The following PLEKHH2 variants were observed in gnomAD, a reference collection of about 807,000 sequenced individuals.
The protein encoded by PLEKHH2 is pleckstrin homology, MyTH4 and FERM domain containing H2.
In PLEKHH2, 129 loss-of-function variants were observed where a neutral mutation model predicts 187.9. The ratio of observed to expected loss-of-function variants is 0.69; its 90% CI spans 0.59 to 0.79. The LOEUF is 0.79. Among genes scored for constraint, PLEKHH2 ranks in the 30% least tolerant of loss-of-function variants. The pLI is 0.00. For missense variants in PLEKHH2, 2,076 were observed against 1,751.2 expected (o/e 1.19, Z -3.31); for synonymous variants, 686 against 605.6 (o/e 1.13, Z -1.95).
chr2:43,678,524 A>C (rs550476052), intron 2 of PLEKHH2, among the ~76,000 whole-genome samples: 1 of 152,212 alleles, frequency 6.6e-6, no homozygotes, highest in East Asian at 1.9e-4. Context: ...CCCGGCCAAC[A>C]CAGCGAAACC....
At chr2:43,641,390 C>T (rs915742720) in intron 1 of PLEKHH2, among the ~76,000 whole-genome samples, 4 of 152,126 alleles carry the variant, frequency 2.6e-5, no homozygotes, top group Admixed American at 6.5e-5. Flanking sequence ...GAGTTTAGAG[C>T]AAGCGTGTCC....
chr2:43,713,341 A>G (rs1670059291), intron 15 of PLEKHH2, among the ~76,000 whole-genome samples: 1 of 152,204 alleles, frequency 6.6e-6, no homozygotes, highest in African/African-American at 2.4e-5. Flanking sequence ...CAAGATGCAG[A>G]ACATTTCCAT....
rs1226573116 is a variant in PLEKHH2, at chr2:43,743,972, C to G, written c.3538C>G (p.Leu1180Val). The G allele has an allele frequency of 6.2e-7, 1 of 1,613,822 alleles. No homozygotes were observed. ...TTCTGGCAGAGATTTAGAGCATTGT[C>G]TTCAAGGAAACATCAAGGTGAAACC... Reference protein sequence around the residue: ...DPSGRDLEHCLQGNIKICDII... With the variant: ...DPSGRDLEHCVQGNIKICDII... The change falls in exon 23 of 30, where the codon CTT (leucine) becomes GTT (valine). Residue 1180 changes from leucine to valine, a missense_variant. Coordinates refer to ENST00000282406, the MANE Select transcript of PLEKHH2 (RefSeq NM_172069.4).
At chr2:43,671,729 C>G (rs1260749029) in intron 2 of PLEKHH2, among the ~76,000 whole-genome samples, 2 of 152,124 alleles carry the variant, frequency 1.3e-5, no homozygotes, top group Non-Finnish European at 2.9e-5. Flanking sequence ...TCTTTTCTAG[C>G]CACTTGACAT....
chr2:43,673,474 T>C (rs1177168366), intron 2 of PLEKHH2, among the ~76,000 whole-genome samples: 1 of 152,208 alleles, frequency 6.6e-6, no homozygotes, highest in South Asian at 2.1e-4. Flanking sequence ...TACAACATCC[T>C]GTAAAGTAGT....
At chr2:43,763,586 AT>A (rs541418802) in intron 28 of PLEKHH2, among the ~76,000 whole-genome samples, 11,888 of 130,318 alleles carry the variant, frequency 0.091, 569 homozygotes, top group South Asian at 0.18. Context: ...TGCCCGGCTA[AT>A]TTTTTTTTTT....
At position 43,729,639 on chromosome 2, in the gene PLEKHH2, C is replaced by T. The variant is rs764143989; in HGVS notation, c.2724C>T (p.Asp908=). 4 of 1,587,160 alleles carry T rather than the reference C, an allele frequency of 2.5e-6. No homozygotes were observed. The highest frequency in any genetic ancestry group is 3.7e-5 in the Admixed American group (2 of 54,332). Residue 908 remains aspartate, a splice_region_variant and synonymous_variant, in exon 18 of 30, where the codon GAC becomes GAT. Transcript: ENST00000282406. ...AATTAATATGTTCTGGTTTTAAGGA[C>T]ACTTGGCTTTATCATCTGACTGTTG... ...YLLIGSKHEK[D]TWLYHLTVAA... is the part of the protein sequence containing the mutation.
rs146575386 is a variant in PLEKHH2, at chr2:43,747,082, C to G, written c.3653+1119C>G. On this transcript the variant is annotated intron_variant, in intron 24 of 29. Transcript: ENST00000282406. ...CTCAGTCTTTCATTCTCATTTTTCTCTTTCTTTCTGTCTCTCTCTCTCTCT... is the reference window on the plus strand; with the variant it reads ...CTCAGTCTTTCATTCTCATTTTTCTGTTTCTTTCTGTCTCTCTCTCTCTCT... Among the ~76,000 whole-genome samples, 1,234 of 149,866 alleles carry G rather than the reference C, an allele frequency of 8.2e-3. 20 individuals carry two copies. Among genetic ancestry groups the G allele is most frequent in the African/African-American group, 0.025 (1,015 of 40,284 alleles).
intron 11 of PLEKHH2, among the ~76,000 whole-genome samples, chr2:43,709,629 A>G (rs1669843970): frequency 6.6e-6 from 1 of 152,174 alleles, no homozygotes; most frequent in African/African-American, 2.4e-5. Context: ...CGAGGTCAAG[A>G]GATCGAGACC....
intron 2 of PLEKHH2, among the ~76,000 whole-genome samples, chr2:43,654,570 T>C (rs991550216): frequency 6.6e-6 from 1 of 150,482 alleles, no homozygotes; most frequent in Non-Finnish European, 1.5e-5. Flanking sequence ...TTAACTTTTT[T>C]TTTTTTTTTT....
At position 43,745,977 on chromosome 2, in the gene PLEKHH2, C is replaced by CA. The variant is rs1200263687; in HGVS notation, c.3653+15dup. The CA allele has an allele frequency of 2.0e-6, 3 of 1,528,058 alleles. No homozygotes were observed. The highest frequency in any genetic ancestry group is 1.8e-6 in the Non-Finnish European group (2 of 1,111,574). The allele number at this position is 1,528,058 out of a possible 1,614,324, so 94.7% of individuals were successfully genotyped here. The stretch of plus-strand genomic sequence containing the variant: ...ATACAAAAACAGGTGTGTAATACTG[C>CA]ATCCAGATGCCAAAGTATGAGTATA... On this transcript the variant is annotated intron_variant, in intron 24 of 29. Coordinates refer to ENST00000282406, the MANE Select transcript of PLEKHH2 (RefSeq NM_172069.4).
chr2:43,766,246 G>T lies in PLEKHH2; in HGVS notation c.*648G>T, dbSNP rs1433726567. On this transcript the variant is annotated 3_prime_UTR_variant, in exon 30 of 30. Transcript: ENST00000282406. ...CGTCACCTTTTCACATCACTGGAGT[G>T]TAAAATTTAAAACAAGATGGTGATT... The T allele has an allele frequency of 5.9e-5, 9 of 152,730 alleles. No individual in the cohort carries two copies. The highest frequency in any genetic ancestry group is 5.9e-4 in the Admixed American group (9 of 15,278). The allele number at this position is 152,730 out of a possible 1,614,324, so 9.5% of individuals were successfully genotyped here. A position where few individuals can be genotyped will look rare whatever the true frequency, so the allele number is the denominator to read the frequency against.
chr2:43,644,908 T>G (rs1489698334), intron 2 of PLEKHH2, 112 bp downstream of exon 2: 2 of 1,199,106 alleles, frequency 1.7e-6, no homozygotes, highest in African/African-American at 3.1e-5. Context: ...TGTCAAGTAT[T>G]TGAAGCTATA....
At chr2:43,752,765 C>G (rs1672057969) in intron 24 of PLEKHH2, among the ~76,000 whole-genome samples, 1 of 152,152 alleles carries the variant, frequency 6.6e-6, no homozygotes, top group Non-Finnish European at 1.5e-5. Context: ...CCCCACAAAT[C>G]TCACATATGA....
chr2:43,751,191 G>A (rs867192203), intron 24 of PLEKHH2, among the ~76,000 whole-genome samples: 3 of 152,324 alleles, frequency 2.0e-5, no homozygotes, highest in Middle Eastern at 3.4e-3. Flanking sequence ...GATATTTGTC[G>A]TTACCATGAG....
chr2:43,738,229 C>T (rs768740503), intron 19 of PLEKHH2, 112 bp from the exon 20 acceptor site: 2 of 882,706 alleles, frequency 2.3e-6, no homozygotes, highest in East Asian at 2.7e-5. Context: ...ATAATATATC[C>T]TTTTCCATCA....
Position 43,759,366 on chromosome 2 carries a change from C to G in PLEKHH2, c.4071+337C>G, listed in dbSNP as rs1223391632. Among the ~76,000 whole-genome samples the G allele has an allele frequency of 2.0e-5, 3 of 152,254 alleles. No homozygotes were observed. In the East Asian group the frequency reaches 5.8e-4, roughly 29 times the overall value. ...CTCATTAGTATTTACTAAGTTCTGT[C>G]TGCTAAACATTGAGCTAAGCTCTAG... On this transcript the variant is annotated intron_variant, in intron 27 of 29. Coordinates refer to ENST00000282406, the MANE Select transcript of PLEKHH2 (RefSeq NM_172069.4).
Position 43,731,545 on chromosome 2 carries a change from C to G in PLEKHH2, c.2886C>G (p.Ser962=). ...TLCHSKEGII[S]PLTTLPSEAL... is the part of the protein sequence containing the mutation. Reference sequence around the variant, plus strand: ...GTCACAGTAAAGAAGGAATCATTTCCCCTCTGACAACTCTACCTTCCGAAG... The same window carrying G: ...GTCACAGTAAAGAAGGAATCATTTCGCCTCTGACAACTCTACCTTCCGAAG... Residue 962 remains serine (S), a synonymous_variant, in exon 19 of 30, where the codon TCC becomes TCG. Coordinates refer to ENST00000282406, the MANE Select transcript of PLEKHH2 (RefSeq NM_172069.4). The G allele has an allele frequency of 6.2e-7, 1 of 1,607,220 alleles. No individual in the cohort carries two copies. The highest frequency in any genetic ancestry group is 8.5e-7 in the Non-Finnish European group (1 of 1,174,208).
chr2:43,753,299 A>G (rs1672078338), intron 24 of PLEKHH2, among the ~76,000 whole-genome samples: 1 of 152,196 alleles, frequency 6.6e-6, no homozygotes, highest in African/African-American at 2.4e-5. Flanking sequence ...GATTTCTTAT[A>G]AGCGCCATAT....
Sources: allele counts gnomAD v4.1 joint callset (sites outside exome capture counted in the v4.1 genomes callset), GRCh38; gene constraint gnomAD v4.1.1; transcripts MANE v1.5; gene names NCBI Gene and HGNC (gene_info 2026-07-23, HGNC 2026-07-21).